The following TUBGCP5 variants were observed in gnomAD, a reference collection of about 807,000 sequenced individuals.
TUBGCP5 encodes gamma-tubulin complex component 5.
Under a neutral mutation model 134.7 loss-of-function variants are expected in TUBGCP5, and 98 were observed. The ratio of observed to expected loss-of-function variants is 0.73; its 90% confidence interval spans 0.62 to 0.86. The LOEUF (loss-of-function observed/expected upper bound fraction) is 0.86, where lower values mean the gene tolerates loss of function less well. Among genes scored for constraint, TUBGCP5 ranks in the 40% least tolerant of loss-of-function variants. The probability of loss-of-function intolerance (pLI) is 0.00; values close to 1 mark genes in which losing one functional copy is unlikely to be tolerated. For synonymous variants in TUBGCP5, 456 were observed against 431.4 expected (o/e 1.06, Z -0.71); for missense variants, 1,150 against 1,244.8 (o/e 0.92, Z 1.15).
chr15:23,004,231 G>C lies in TUBGCP5; in HGVS notation c.2713-4C>G, dbSNP rs762724715. 1 of 1,602,544 alleles carries C rather than the reference G, an allele frequency of 6.2e-7. No individual in the cohort carries two copies. Among genetic ancestry groups the C allele is most frequent in the Non-Finnish European group, 8.5e-7 (1 of 1,176,888 alleles). On this transcript the variant is annotated splice_polypyrimidine_tract_variant and splice_region_variant and intron_variant, in intron 19 of 22. Transcript: ENST00000615383. The stretch of plus-strand genomic sequence containing the variant: ...CCAGCCCTGTACTGTGTAGAATCTT[G>C]GAAGAGAAAGATAAAAAGCTTCATC...
intron 6 of TUBGCP5, among the ~76,000 whole-genome samples, chr15:23,028,290 G>A (rs987810018): frequency 3.3e-5 from 5 of 150,030 alleles, no homozygotes; most frequent in Non-Finnish European, 7.4e-5. Flanking sequence ...TGAGGTGGGA[G>A]GATACTTTGA....
intron 3 of TUBGCP5, among the ~76,000 whole-genome samples, chr15:23,034,805 C>T (rs965432811): frequency 6.6e-6 from 1 of 151,754 alleles, no homozygotes; most frequent in Non-Finnish European, 1.5e-5. Flanking sequence ...CCAGCCTGGG[C>T]AACAGAGCAA....
intron 11 of TUBGCP5, among the ~76,000 whole-genome samples, chr15:23,020,747 T>G (rs905103010): frequency 6.6e-6 from 1 of 152,168 alleles, no homozygotes; most frequent in African/African-American, 2.4e-5. Context: ...TTTAAATCTA[T>G]ATATTGTTTG....
rs2064308643 is a variant in TUBGCP5 at position 23,000,510 on chromosome 15, A to C, written c.3028+59T>G. On this transcript the variant is annotated intron_variant, in intron 22 of 22. Transcript: ENST00000615383. ...ATGGGATCAGTAACAAAACAATGAC[A>C]CATACACTTAGTTACAAGGAAATAC... The C allele has an allele frequency of 6.9e-6, 11 of 1,592,614 alleles. No homozygotes were observed. In the Admixed American group the frequency reaches 2.0e-4, roughly 29 times the overall value.
intron 13 of TUBGCP5, among the ~76,000 whole-genome samples, chr15:23,016,497 GAAAAAAA>G (rs34275068): frequency 2.9e-5 from 3 of 102,834 alleles, no homozygotes; most frequent in Admixed American, 2.3e-4. Context: ...TCTGTCTCAG[GAAAAAAA>G]AAAAAAAAAG....
intron 4 of TUBGCP5, among the ~76,000 whole-genome samples, 175 bp downstream of exon 4, chr15:23,032,553 T>C (rs929838478): frequency 2.0e-5 from 3 of 152,198 alleles, no homozygotes; most frequent in East Asian, 1.9e-4. Context: ...CCTGAGAATA[T>C]AGAGGGCTGA....
At chr15:22,983,657 A>G (rs2063596884) in intron 23 of TUBGCP5, 1 of 152,168 alleles carries the variant, frequency 6.6e-6, no homozygotes, top group South Asian at 2.1e-4. Flanking sequence ...AGACATTAAC[A>G]ATAATAAAAA....
At chr15:22,995,231 G>A (rs757703291), downstream of TUBGCP5, among the ~76,000 whole-genome samples, 1 of 151,706 alleles carries the variant, frequency 6.6e-6, no homozygotes, top group Non-Finnish European at 1.5e-5. Context: ...GGGACAGAGC[G>A]AGAATCTGTC....
At position 23,039,401 on chromosome 15, in the gene TUBGCP5, A is replaced by C; in HGVS notation, c.143T>G (p.Phe48Cys). 1 of 1,490,404 alleles carries C rather than the reference A, an allele frequency of 6.7e-7. No individual in the cohort carries two copies. The highest frequency in any genetic ancestry group is 9.0e-7 in the Non-Finnish European group (1 of 1,110,452). The allele number at this position is 1,490,404 out of a possible 1,614,324, so 92.3% of individuals were successfully genotyped here. A position where few individuals can be genotyped will look rare whatever the true frequency, so the allele number is the denominator to read the frequency against. The change falls in exon 1 of 23, where the codon TTC becomes TGC. Residue 48 changes from phenylalanine to cysteine, a missense_variant. Phe to Cys is a radical substitution (Grantham distance 205). Coordinates refer to ENST00000615383, the MANE Select transcript of TUBGCP5 (RefSeq NM_052903.6). ...QLALNFAWSN[F>C]RFHRFLDVNS... ...GCCCGCGCGCCGTGCCCCACACCTGAAGTTGGACCAGGCGAAGTTTAGGGC... is the reference window on the plus strand; with the variant it reads ...GCCCGCGCGCCGTGCCCCACACCTGCAGTTGGACCAGGCGAAGTTTAGGGC...
chr15:23,012,975 A>G (rs1233968798), intron 13 of TUBGCP5, among the ~76,000 whole-genome samples: 1 of 151,956 alleles, frequency 6.6e-6, no homozygotes, highest in East Asian at 1.9e-4. Context: ...AGTGGCTCAC[A>G]TCTATAGTCC....
rs769143441 is a variant in TUBGCP5 at position 23,031,980 on chromosome 15, T to C, written c.456A>G (p.Glu152=). The change falls in exon 5 of 23, where the codon GAA becomes GAG. Residue 152 remains glutamate, a synonymous_variant. Transcript: ENST00000615383. ...TGTCCATGTACGGACCAATGTCCAT[T>C]TCTTCATCTTCCATCAAGTATTTTC... ...DWGKYLMEDE[E]MDIGPYMDTP... is the part of the protein sequence containing the mutation. The C allele has an allele frequency of 6.2e-7, 1 of 1,612,794 alleles. No individual in the cohort carries two copies. Among genetic ancestry groups the C allele is most frequent in the East Asian group, 2.2e-5 (1 of 44,858 alleles).
At position 22,999,356 on chromosome 15, in the gene TUBGCP5, A is replaced by G. The variant is rs368026312; in HGVS notation, c.*464T>C. 2.6e-5 allele frequency: 5 copies of G among 194,672 alleles called. No homozygotes were observed. The South Asian group carries it at 4.5e-4, about 17-fold the overall frequency. 12.1% of individuals were successfully genotyped at this position (194,672 alleles called of 1,614,324 possible). A position where few individuals can be genotyped will look rare whatever the true frequency, so the allele number is the denominator to read the frequency against. On this transcript the variant is annotated 3_prime_UTR_variant, in exon 23 of 23. Coordinates refer to ENST00000615383, the MANE Select transcript of TUBGCP5 (RefSeq NM_052903.6). ...ATGTATACAACTCTATACAGTATCTACTAATCTCCAGAAAACCCACCTACA... is the reference window on the plus strand; with the variant it reads ...ATGTATACAACTCTATACAGTATCTGCTAATCTCCAGAAAACCCACCTACA...
chr15:23,030,483 C>T (rs528822676), intron 6 of TUBGCP5, among the ~76,000 whole-genome samples: 1 of 151,894 alleles, frequency 6.6e-6, no homozygotes, highest in East Asian at 1.9e-4. Flanking sequence ...TGCATATAAC[C>T]TATGCATATC....
intron 1 of TUBGCP5, 61 bp downstream of exon 1, chr15:23,039,337 G>A: frequency 2.3e-6 from 3 of 1,298,528 alleles, no homozygotes; most frequent in Non-Finnish European, 3.0e-6. Flanking sequence ...CGGGCTGTGC[G>A]GGACCCACGC....
At chr15:22,996,264 T>C (rs148112580), downstream of TUBGCP5, among the ~76,000 whole-genome samples, 1,446 of 152,268 alleles carry the variant, frequency 9.5e-3, 23 homozygotes, top group African/African-American at 0.033. Context: ...TGCCGGTCTT[T>C]TTATTTTAGC....
At chr15:22,989,846 T>C (rs2063794554) in intron 23 of TUBGCP5, among the ~76,000 whole-genome samples, 1 of 152,186 alleles carries the variant, frequency 6.6e-6, no homozygotes. Flanking sequence ...GTTGGGAGCT[T>C]AGAGTTGGAA....
Position 23,022,032 on chromosome 15 carries a change from G to T in TUBGCP5, c.1298C>A (p.Ala433Asp), listed in dbSNP as rs746142240. 3.7e-6 allele frequency: 6 copies of T among 1,614,168 alleles called. No individual in the cohort carries two copies. The highest frequency in any genetic ancestry group is 3.4e-6 in the Non-Finnish European group (4 of 1,180,036). Residue 433 changes from alanine (A) to aspartate (D), a missense_variant, in exon 11 of 23, where the codon GCC (alanine) becomes GAC (aspartate). Around this residue, in one of 2 missense-constraint regions of TUBGCP5, gnomAD observed 697 missense variants for 850.1 expected, o/e 0.82. Transcript: ENST00000615383. The stretch of plus-strand genomic sequence containing the variant: ...GTACAGGGTGTTAAGCAGGTGAGAG[G>T]CCCGGACGACATTTCGAGTATCAGG... ...VPPDTRNVVR[A>D]SHLLNTLYKA... is the part of the protein sequence containing the mutation.
chr15:22,986,467 T>A (rs2063683724), intron 23 of TUBGCP5, among the ~76,000 whole-genome samples: 1 of 152,102 alleles, frequency 6.6e-6, no homozygotes, highest in East Asian at 1.9e-4. Context: ...CCGGGCGTGG[T>A]GGTTCACCCC....
At chr15:23,025,748 G>A (rs111679218) in intron 8 of TUBGCP5, among the ~76,000 whole-genome samples, 5,120 of 151,318 alleles carry the variant, frequency 0.034, 289 homozygotes, top group African/African-American at 0.12. Flanking sequence ...GGAGAATGGC[G>A]TGAACCCAGG....
Sources: allele counts gnomAD v4.1 joint callset (sites outside exome capture counted in the v4.1 genomes callset), GRCh38; gene constraint gnomAD v4.1.1; regional missense constraint gnomAD v4.1.1; transcripts MANE v1.5; gene names NCBI Gene and HGNC (gene_info 2026-07-23, HGNC 2026-07-21).